The following TMEM108 variants were observed in gnomAD, a reference collection of about 807,000 sequenced individuals.
The protein encoded by TMEM108 is cancer/testis antigen 124.
A neutral mutation model predicts 35.1 loss-of-function variants in TMEM108; 12 were observed. That is an observed-to-expected ratio of 0.34 (90% CI 0.22 to 0.55). The LOEUF (loss-of-function observed/expected upper bound fraction) is 0.55. Ranked by LOEUF, TMEM108 falls within the 20% of genes least tolerant of loss-of-function variation. The pLI is 0.89. For missense variants in TMEM108, 680 were observed against 753.3 expected (o/e 0.90, Z 1.14); for synonymous variants, 287 against 308.6 (o/e 0.93, Z 0.73).
At chr3:133,129,407 G>A (rs1944460781) in intron 2 of TMEM108, among the ~76,000 whole-genome samples, 2 of 147,368 alleles carry the variant, frequency 1.4e-5, no homozygotes, top group Admixed American at 6.9e-5. Context: ...TGGTGAAAAT[G>A]CATGGTAACA....
intron 2 of TMEM108, among the ~76,000 whole-genome samples, chr3:133,165,835 A>C (rs1034999625): frequency 6.6e-6 from 1 of 152,222 alleles, no homozygotes; most frequent in African/African-American, 2.4e-5. Context: ...TATTAGACAA[A>C]ATGCATGTAA....
At chr3:133,116,392 G>A (rs1025821282) in intron 2 of TMEM108, among the ~76,000 whole-genome samples, 2 of 151,702 alleles carry the variant, frequency 1.3e-5, no homozygotes, top group Non-Finnish European at 2.9e-5. Context: ...TAACAACTTA[G>A]TATGAGTTTA....
chr3:133,210,503 G>T (rs1273506777), intron 2 of TMEM108, among the ~76,000 whole-genome samples: 1 of 152,146 alleles, frequency 6.6e-6, no homozygotes, highest in African/African-American at 2.4e-5. Flanking sequence ...GAAAGACCTA[G>T]GGATATATGT....
intron 2 of TMEM108, among the ~76,000 whole-genome samples, chr3:133,060,358 G>GT (rs1943521684): frequency 6.6e-6 from 1 of 152,198 alleles, no homozygotes; most frequent in African/African-American, 2.4e-5. Flanking sequence ...ACACGTAGTA[G>GT]AGCATGGCCT....
chr3:133,354,744 A>G lies in TMEM108; in HGVS notation c.41-25008A>G, dbSNP rs78952196. Reference sequence around the variant, plus strand: ...CAGAGAGGGGCATAAGGAGCCAGGCAGACTTTTTCACTGGTAGCAGAAGCT... The same window carrying G: ...CAGAGAGGGGCATAAGGAGCCAGGCGGACTTTTTCACTGGTAGCAGAAGCT... On this transcript the variant is annotated intron_variant, in intron 3 of 5. Transcript: ENST00000321871. 7.8e-3 allele frequency among the ~76,000 whole-genome samples: 1,187 copies of G among 152,244 alleles called. 19 individuals carry two copies. The highest frequency in any genetic ancestry group is 0.027 in the African/African-American group (1,126 of 41,552).
At chr3:133,058,529 G>A (rs1189753675) in intron 2 of TMEM108, among the ~76,000 whole-genome samples, 3 of 152,308 alleles carry the variant, frequency 2.0e-5, no homozygotes, top group South Asian at 4.1e-4. Context: ...GCTGTGAGAC[G>A]TGGTTAAGCC....
chr3:133,296,859 A>C (rs1947152687), intron 3 of TMEM108, among the ~76,000 whole-genome samples: 1 of 152,158 alleles, frequency 6.6e-6, no homozygotes, highest in African/African-American at 2.4e-5. Context: ...TCTGCAGACA[A>C]TTTTCTCATC....
intron 3 of TMEM108, among the ~76,000 whole-genome samples, chr3:133,324,574 T>C (rs2071306457): frequency 6.6e-6 from 1 of 152,214 alleles, no homozygotes; most frequent in Admixed American, 6.5e-5. Context: ...TTGGTGGAAA[T>C]GTAAACTAGT....
intron 2 of TMEM108, among the ~76,000 whole-genome samples, chr3:133,190,507 A>C (rs1945483392): frequency 6.6e-6 from 1 of 152,164 alleles, no homozygotes; most frequent in South Asian, 2.1e-4. Context: ...GAATGTTACT[A>C]TCCTCTTTTC....
intron 2 of TMEM108, among the ~76,000 whole-genome samples, chr3:133,129,209 G>A (rs1944456260): frequency 6.6e-6 from 1 of 152,000 alleles, no homozygotes; most frequent in South Asian, 2.1e-4. Flanking sequence ...TGGGTGTGCT[G>A]TTGTGCACCT....
At chr3:133,045,524 G>A (rs1215953069) in intron 1 of TMEM108, among the ~76,000 whole-genome samples, 1 of 152,144 alleles carries the variant, frequency 6.6e-6, no homozygotes, top group Non-Finnish European at 1.5e-5. Context: ...CCAACAGAAT[G>A]TGATGGAAGT....
chr3:133,106,183 T>G (rs1305905560), intron 2 of TMEM108, among the ~76,000 whole-genome samples: 3 of 151,262 alleles, frequency 2.0e-5, no homozygotes, highest in African/African-American at 7.3e-5. Flanking sequence ...AGGTTTTTTT[T>G]TTTTTTTTTT....
chr3:133,226,819 C>T lies in TMEM108; in HGVS notation c.-46-2447C>T, dbSNP rs561502004. Among the ~76,000 whole-genome samples the T allele has an allele frequency of 1.2e-4, 19 of 152,080 alleles. 1 individual carries two copies. The highest frequency in any genetic ancestry group is 2.4e-4 in the African/African-American group (10 of 41,462). ...TTCACACTACTAATAAAGACATACC[C>T]GCGACTGGGAAATTTACAAAAGAAA... On this transcript the variant is annotated intron_variant, in intron 2 of 5. Transcript: ENST00000321871.
At chr3:133,078,161 A>ACG (rs1323835953) in intron 2 of TMEM108, among the ~76,000 whole-genome samples, 7 of 24,896 alleles carry the variant, frequency 2.8e-4, no homozygotes, top group East Asian at 6.6e-4. Context: ...GTGTGTGTGC[A>ACG]CGCGCGCGCG....
In TMEM108 at chr3:133,390,342, G is replaced by C; in HGVS notation, c.1605+8G>C. 6.2e-7 allele frequency: 1 copy of C among 1,613,688 alleles called. No homozygotes were observed. Among genetic ancestry groups the C allele is most frequent in the Non-Finnish European group, 8.5e-7 (1 of 1,179,924 alleles). On this transcript the variant is annotated splice_region_variant and intron_variant, in intron 5 of 5. Coordinates refer to ENST00000321871, the MANE Select transcript of TMEM108 (RefSeq NM_023943.4). ...TCCCTTGAAACCTCTGAGGTAATGA[G>C]CTTGAAAGTGCTGGCCCCACTGCAG...
At chr3:133,306,512 C>A (rs2071039977) in intron 3 of TMEM108, among the ~76,000 whole-genome samples, 1 of 152,084 alleles carries the variant, frequency 6.6e-6, no homozygotes, top group South Asian at 2.1e-4. Context: ...GTTATCCCTC[C>A]CCCAGCCCCC....
chr3:133,066,478 T>C (rs1943608729), intron 2 of TMEM108, among the ~76,000 whole-genome samples: 1 of 152,130 alleles, frequency 6.6e-6, no homozygotes, highest in Non-Finnish European at 1.5e-5. Flanking sequence ...TGAAAAGGTC[T>C]GAGAAAATTG....
chr3:133,125,556 G>A (rs1388614775), intron 2 of TMEM108, among the ~76,000 whole-genome samples: 2 of 152,136 alleles, frequency 1.3e-5, no homozygotes, highest in African/African-American at 4.8e-5. Context: ...AATTTGGGGG[G>A]TAGGTGGGGG....
intron 3 of TMEM108, among the ~76,000 whole-genome samples, chr3:133,293,724 C>T (rs1272668814): frequency 6.6e-6 from 1 of 152,094 alleles, no homozygotes; most frequent in Non-Finnish European, 1.5e-5. Context: ...TCTCCACTTA[C>T]ATGAAATTGA....
Sources: gnomAD v4.1 joint callset for allele counts (sites outside exome capture counted in the v4.1 genomes callset) on GRCh38, gnomAD v4.1.1 for gene constraint, MANE v1.5 for transcripts, NCBI Gene and HGNC (gene_info 2026-07-23, HGNC 2026-07-21) for gene names.